The following SCD5 variants were observed in gnomAD, a reference collection of about 807,000 sequenced individuals.
SCD5 encodes acyl-CoA-desaturase 4.
A neutral mutation model predicts 30.4 loss-of-function variants in SCD5; 20 were observed. The observed-to-expected ratio is 0.66, with a 90% CI of 0.46 to 0.96. SCD5 has a LOEUF of 0.96. Ranked by LOEUF, SCD5 falls within the 40% of genes least tolerant of loss-of-function variation. The pLI, the probability that SCD5 is intolerant of heterozygous loss-of-function variation, is 0.00. For synonymous variants in SCD5, 173 were observed against 176.4 expected, an observed-to-expected ratio of 0.98 and a Z score of 0.16; for missense variants, 381 against 443.3, an observed-to-expected ratio of 0.86 and a Z score of 1.26.
At position 82,740,887 on chromosome 4, in the gene SCD5, G is replaced by C. The variant is rs1019947724; in HGVS notation, c.233-35474C>G. Among the ~76,000 whole-genome samples, 3 of 152,030 alleles carry C rather than the reference G, an allele frequency of 2.0e-5. No homozygotes were observed. In the South Asian group the frequency reaches 6.2e-4, roughly 32 times the overall value. ...CAGAATTCTGTGTTAGAAACTATAG[G>C]GGAGGGTGAAAGACTAAGACTAAGG... On this transcript the variant is annotated intron_variant, in intron 1 of 4. Transcript: ENST00000319540.
At chr4:82,717,242 C>T (rs1216093220) in intron 1 of SCD5, among the ~76,000 whole-genome samples, 1 of 151,766 alleles carries the variant, frequency 6.6e-6, no homozygotes, top group Non-Finnish European at 1.5e-5. Context: ...AGCAGAGGCT[C>T]TAGGGAAAAG....
intron 3 of SCD5, among the ~76,000 whole-genome samples, chr4:82,641,662 GGTT>G (rs1727549751): frequency 6.6e-6 from 1 of 152,048 alleles, no homozygotes; most frequent in Non-Finnish European, 1.5e-5. Flanking sequence ...CAAGAGGGAG[GGTT>G]GTAGGAGATA....
At chr4:82,706,490 G>A (rs1017766612) in intron 1 of SCD5, among the ~76,000 whole-genome samples, 2 of 152,230 alleles carry the variant, frequency 1.3e-5, no homozygotes, top group African/African-American at 4.8e-5. Flanking sequence ...CGCCTGTACT[G>A]TGCAGTAGTG....
At chr4:82,708,088 G>A (rs923967871) in intron 1 of SCD5, among the ~76,000 whole-genome samples, 1 of 152,166 alleles carries the variant, frequency 6.6e-6, no homozygotes, top group African/African-American at 2.4e-5. Flanking sequence ...GGGGTAGGGG[G>A]TGGAGGAAAG....
intron 1 of SCD5, among the ~76,000 whole-genome samples, chr4:82,734,086 G>C (rs1560547471): frequency 6.6e-6 from 1 of 152,196 alleles, no homozygotes; most frequent in Non-Finnish European, 1.5e-5. Context: ...TACTGTTGCT[G>C]TTAGAGGTAG....
intron 3 of SCD5, among the ~76,000 whole-genome samples, chr4:82,680,477 T>G (rs2148821336): frequency 6.6e-6 from 1 of 152,336 alleles, no homozygotes; most frequent in South Asian, 2.1e-4. Flanking sequence ...GACACTGGGC[T>G]TAAAGGAAAT....
intron 1 of SCD5, among the ~76,000 whole-genome samples, chr4:82,784,934 A>T (rs1477012113): frequency 1.3e-5 from 2 of 152,222 alleles, no homozygotes; most frequent in Non-Finnish European, 2.9e-5. Flanking sequence ...GGAAGGCAGC[A>T]GCTATTCACT....
chr4:82,665,875 A>C (rs1300822815), intron 3 of SCD5, among the ~76,000 whole-genome samples: 1 of 152,184 alleles, frequency 6.6e-6, no homozygotes, highest in Non-Finnish European at 1.5e-5. Context: ...TACATAAAAA[A>C]CTTTAGAAAA....
intron 1 of SCD5, among the ~76,000 whole-genome samples, chr4:82,770,863 G>A (rs984520742): frequency 5.9e-5 from 9 of 152,086 alleles, no homozygotes; most frequent in African/African-American, 1.7e-4. Context: ...CTATTCTCTC[G>A]TCCTCTGAGG....
intron 1 of SCD5, among the ~76,000 whole-genome samples, chr4:82,782,189 G>GC (rs1721888446): frequency 6.6e-6 from 1 of 151,434 alleles, no homozygotes; most frequent in Non-Finnish European, 1.5e-5. Flanking sequence ...AAAGGGGCAT[G>GC]ACTGATCGAG....
intron 3 of SCD5, among the ~76,000 whole-genome samples, chr4:82,643,738 TAAAG>T (rs1026261743): frequency 6.6e-6 from 1 of 152,124 alleles, no homozygotes; most frequent in African/African-American, 2.4e-5. Flanking sequence ...TTCACCACAA[TAAAG>T]AAAGAGAAAT....
intron 3 of SCD5, among the ~76,000 whole-genome samples, chr4:82,644,237 G>T (rs1727597415): frequency 2.0e-5 from 3 of 152,166 alleles, no homozygotes; most frequent in Admixed American, 2.0e-4. Context: ...GTCCAGGCCT[G>T]GTCCCCACTG....
At chr4:82,794,789 A>G (rs1298333432) in intron 1 of SCD5, among the ~76,000 whole-genome samples, 1 of 151,890 alleles carries the variant, frequency 6.6e-6, no homozygotes, top group African/African-American at 2.4e-5. Flanking sequence ...AGCTGGGACT[A>G]CAGGTGCCCA....
At chr4:82,740,865 A>T (rs2148838811) in intron 1 of SCD5, among the ~76,000 whole-genome samples, 1 of 152,330 alleles carries the variant, frequency 6.6e-6, no homozygotes, top group South Asian at 2.1e-4. Flanking sequence ...ACAGAGGCAG[A>T]ATTCTGTGTT....
chr4:82,681,107 A>G (rs894625850), intron 2 of SCD5, among the ~76,000 whole-genome samples, 195 bp from the exon 3 acceptor site: 1 of 151,926 alleles, frequency 6.6e-6, no homozygotes, highest in African/African-American at 2.4e-5. Context: ...ACAAGAGTAA[A>G]TCTTCACTTA....
At chr4:82,781,288 C>T (rs908116672) in intron 1 of SCD5, among the ~76,000 whole-genome samples, 1 of 151,932 alleles carries the variant, frequency 6.6e-6, no homozygotes, top group Non-Finnish European at 1.5e-5. Context: ...TGGCGGCGTG[C>T]TCCTGTAGTC....
At chr4:82,695,764 A>C (rs1416355700) in intron 2 of SCD5, among the ~76,000 whole-genome samples, 3 of 152,108 alleles carry the variant, frequency 2.0e-5, no homozygotes, top group Non-Finnish European at 4.4e-5. Context: ...CTCTCTCCCT[A>C]CCTTTGCTCA....
chr4:82,745,904 G>A (rs149652075), intron 1 of SCD5, among the ~76,000 whole-genome samples: 339 of 152,236 alleles, frequency 2.2e-3, no homozygotes, highest in African/African-American at 7.5e-3. Flanking sequence ...GCCAAATACT[G>A]GCCATATCAC....
chr4:82,763,058 C>T (rs538983678), intron 1 of SCD5, among the ~76,000 whole-genome samples: 9 of 152,284 alleles, frequency 5.9e-5, no homozygotes, highest in South Asian at 2.1e-4. Context: ...CAGCACACCA[C>T]GGGAGCCCCA....
Sources: allele counts gnomAD v4.1 joint callset (sites outside exome capture counted in the v4.1 genomes callset), GRCh38; gene constraint gnomAD v4.1.1; transcripts MANE v1.5; gene names NCBI Gene and HGNC (gene_info 2026-07-23, HGNC 2026-07-21).